The following UGGT2 variants were observed in gnomAD, a reference collection of about 807,000 sequenced individuals.
UGGT2 encodes the protein UDP-glucose:glycoprotein glucosyltransferase 2.
Under a neutral mutation model 192.1 loss-of-function variants are expected in UGGT2, and 180 were observed. That is an observed-to-expected ratio of 0.94 (90% CI 0.83 to 1.06). The LOEUF is 1.06. Ranked by LOEUF, UGGT2 falls within the 50% of genes least tolerant of loss-of-function variation. UGGT2 has a pLI of 0.00. For missense variants in UGGT2, 1,849 were observed against 1,795.7 expected, an observed-to-expected ratio of 1.03 and a Z score of -0.54; for synonymous variants, 580 against 591.0, an observed-to-expected ratio of 0.98 and a Z score of 0.27.
chr13:95,929,931 A>T (rs1279677420), intron 17 of UGGT2, among the ~76,000 whole-genome samples: 1 of 152,270 alleles, frequency 6.6e-6, no homozygotes, highest in South Asian at 2.1e-4. Context: ...CTTCCTCCTC[A>T]GCCTCACCAG....
At chr13:96,039,748 T>A (rs962928830) in intron 1 of UGGT2, among the ~76,000 whole-genome samples, 3 of 152,204 alleles carry the variant, frequency 2.0e-5, no homozygotes, top group Admixed American at 1.3e-4. Flanking sequence ...ATATCCAAGT[T>A]CACCAGTTTC....
chr13:95,958,151 CAGAATTTTTT>C (rs1474808522), intron 12 of UGGT2, among the ~76,000 whole-genome samples: 2 of 151,770 alleles, frequency 1.3e-5, no homozygotes, highest in Non-Finnish European at 2.9e-5. Flanking sequence ...TCTGAGAAGG[CAGAATTTTTT>C]TTTTTTTTAA....
Position 95,996,111 on chromosome 13 carries a change from T to C in UGGT2, c.782A>G (p.Asp261Gly). ...VKTVTNTTVE[D>G]ETETNEVQGF... ...TTGAACTTCATTTGTTTCAGTCTCATCCTCTACAGTAGTATTAGTCACAGC... is the reference window on the plus strand; with the variant it reads ...TTGAACTTCATTTGTTTCAGTCTCACCCTCTACAGTAGTATTAGTCACAGC... Residue 261 changes from aspartate to glycine, a missense_variant, in exon 7 of 39, where the codon GAT (aspartate) becomes GGT (glycine). Asp to Gly is a moderately conservative substitution (Grantham distance 94). Transcript: ENST00000376747. The C allele has an allele frequency of 1.2e-6, 2 of 1,613,564 alleles. No individual in the cohort carries two copies. The highest frequency in any genetic ancestry group is 1.1e-5 in the South Asian group (1 of 90,898).
intron 19 of UGGT2, 38 bp from the exon 20 acceptor site, chr13:95,925,812 T>C (rs1347711509): frequency 1.4e-6 from 2 of 1,428,994 alleles, no homozygotes; most frequent in Admixed American, 2.2e-5. Context: ...TTAACTTTTT[T>C]TTTAAAAAAT....
intron 1 of UGGT2, among the ~76,000 whole-genome samples, chr13:96,040,650 A>G (rs1006085941): frequency 2.0e-5 from 3 of 152,180 alleles, no homozygotes; most frequent in African/African-American, 7.2e-5. Flanking sequence ...TAAGTTGCAA[A>G]TACTATAAGT....
Position 95,925,785 on chromosome 13 carries a change from C to A in UGGT2, c.2201-11G>T, listed in dbSNP as rs1400017442. The A allele has an allele frequency of 1.3e-6, 2 of 1,517,868 alleles. No individual in the cohort carries two copies. The highest frequency in any genetic ancestry group is 1.9e-5 in the Admixed American group (1 of 51,930). The allele number at this position is 1,517,868 out of a possible 1,614,324, so 94.0% of individuals were successfully genotyped here. On this transcript the variant is annotated splice_polypyrimidine_tract_variant and intron_variant, in intron 19 of 38. Transcript: ENST00000376747. ...AAATTATACTCTCATCTGAAAGTTT[C>A]AAACAGTTTACTCAAATTAACTTTT...
intron 38 of UGGT2, among the ~76,000 whole-genome samples, chr13:95,825,402 C>T (rs755940869): frequency 6.6e-6 from 1 of 152,078 alleles, no homozygotes; most frequent in Non-Finnish European, 1.5e-5. Context: ...GAGTGAGAGC[C>T]ACCTCAGCTT....
intron 4 of UGGT2, among the ~76,000 whole-genome samples, chr13:96,020,925 T>C (rs565097780): frequency 4.6e-5 from 7 of 152,188 alleles, no homozygotes; most frequent in Non-Finnish European, 1.0e-4. Context: ...CAAAGACAAA[T>C]GACTTTACTG....
At chr13:95,813,517 T>A (rs1022386664) in intron 38 of UGGT2, among the ~76,000 whole-genome samples, 5 of 152,274 alleles carry the variant, frequency 3.3e-5, no homozygotes, top group East Asian at 3.9e-4. Context: ...TATGCTCAGA[T>A]GTGGGAGTAA....
At chr13:95,848,242 CA>C (rs1031610433) in intron 36 of UGGT2, among the ~76,000 whole-genome samples, 1 of 151,864 alleles carries the variant, frequency 6.6e-6, no homozygotes, top group African/African-American at 2.4e-5. Flanking sequence ...ATATTTTTGC[CA>C]AAAAAACTTT....
rs1566593381 is a variant in UGGT2, at chr13:95,854,490, TAG to T, written c.4009-17_4009-16del. On this transcript the variant is annotated splice_polypyrimidine_tract_variant and intron_variant, in intron 34 of 38. Coordinates refer to ENST00000376747, the MANE Select transcript of UGGT2 (RefSeq NM_020121.4). ...TGTCTCACAATCTAAATAATTAAAA[TAG>T]ACTGTCTGATAAAGACTGTAAAATA... is the stretch of plus-strand genomic sequence containing the variant. 2.5e-6 allele frequency: 4 copies of T among 1,590,008 alleles called. No individual in the cohort carries two copies. The highest frequency in any genetic ancestry group is 3.4e-6 in the Non-Finnish European group (4 of 1,169,682).
At chr13:95,857,140 C>A (rs1268255437) in intron 33 of UGGT2, among the ~76,000 whole-genome samples, 2 of 151,794 alleles carry the variant, frequency 1.3e-5, no homozygotes, top group African/African-American at 2.4e-5. Context: ...ATTTAAAATA[C>A]TTTTTTTTAA....
intron 4 of UGGT2, among the ~76,000 whole-genome samples, chr13:96,013,892 T>A (rs920215322): frequency 6.6e-6 from 1 of 152,178 alleles, no homozygotes; most frequent in African/African-American, 2.4e-5. Flanking sequence ...GTACTTAGTA[T>A]GAACAAGTAC....
At chr13:95,904,717 C>G (rs2048227182) in intron 20 of UGGT2, among the ~76,000 whole-genome samples, 1 of 152,028 alleles carries the variant, frequency 6.6e-6, no homozygotes, top group Non-Finnish European at 1.5e-5. Flanking sequence ...TCGGTTGGTT[C>G]CAAGTCTTTG....
At chr13:96,020,220 AGGCCTCCAT>A (rs2052474279) in intron 4 of UGGT2, among the ~76,000 whole-genome samples, 1 of 152,214 alleles carries the variant, frequency 6.6e-6, no homozygotes. Flanking sequence ...TAGAGTCACA[AGGCCTCCAT>A]GGGTCAGGCA....
chr13:95,911,881 A>C lies in UGGT2; in HGVS notation c.2296-8821T>G, dbSNP rs539676793. On this transcript the variant is annotated intron_variant, in intron 20 of 38. Coordinates refer to ENST00000376747, the MANE Select transcript of UGGT2 (RefSeq NM_020121.4). ...AATCCAGCAGCACATCAAAAAGCTT[A>C]TCCACCATGATCAAGTGGGCTTCAT... 1.5e-3 allele frequency among the ~76,000 whole-genome samples: 227 copies of C among 152,340 alleles called. 1 individual carries two copies. Among genetic ancestry groups the C allele is most frequent in the African/African-American group, 5.3e-3 (220 of 41,580 alleles).
intron 1 of UGGT2, among the ~76,000 whole-genome samples, chr13:96,051,747 A>T (rs1026106901): frequency 1.3e-5 from 2 of 152,218 alleles, no homozygotes; most frequent in Non-Finnish European, 2.9e-5. Flanking sequence ...ACTAATGATC[A>T]GGGAAACACA....
At chr13:95,834,792 G>A (rs1007541865) in intron 37 of UGGT2, among the ~76,000 whole-genome samples, 1 of 152,054 alleles carries the variant, frequency 6.6e-6, no homozygotes, top group East Asian at 1.9e-4. Context: ...ATATGGCCAC[G>A]TGACCAACTC....
intron 2 of UGGT2, among the ~76,000 whole-genome samples, chr13:96,028,863 G>A (rs1260766931): frequency 3.3e-5 from 5 of 152,106 alleles, no homozygotes; most frequent in Non-Finnish European, 5.9e-5. Context: ...CTGCTCATTA[G>A]GCCGGGCACG....
Sources: gnomAD v4.1 joint callset for allele counts (sites outside exome capture counted in the v4.1 genomes callset) on GRCh38, gnomAD v4.1.1 for gene constraint, MANE v1.5 for transcripts, NCBI Gene and HGNC (gene_info 2026-07-23, HGNC 2026-07-21) for gene names.